SNX9: variants seen among roughly 807,000 people sequenced by gnomAD.
The protein encoded by SNX9 is sorting nexin 9.
In SNX9, 44 loss-of-function variants were observed where a neutral mutation model predicts 89.4. The ratio of observed to expected loss-of-function variants is 0.49; its 90% CI spans 0.39 to 0.63. SNX9 has a LOEUF of 0.63. SNX9 is among the 30% of genes least tolerant of loss of function. SNX9 has a pLI of 0.00. For missense variants in SNX9, 578 were observed against 736.1 expected, an observed-to-expected ratio of 0.79 and a Z score of 2.49; for synonymous variants, 236 against 247.8, an observed-to-expected ratio of 0.95 and a Z score of 0.45.
At chr6:157,940,267 A>G (rs1023195934) in intron 16 of SNX9, among the ~76,000 whole-genome samples, 1 of 152,234 alleles carries the variant, frequency 6.6e-6, no homozygotes, top group Non-Finnish European at 1.5e-5. Flanking sequence ...ATCTGTAACA[A>G]ATATGACCAA....
chr6:157,853,841 A>G (rs759418982), intron 1 of SNX9, among the ~76,000 whole-genome samples: 2 of 151,616 alleles, frequency 1.3e-5, no homozygotes, highest in Admixed American at 6.6e-5. Context: ...ACTGGGCCAT[A>G]TGTGCCGGTC....
chr6:157,919,208 C>A (rs1783533490), intron 9 of SNX9, among the ~76,000 whole-genome samples: 1 of 152,126 alleles, frequency 6.6e-6, no homozygotes, highest in Non-Finnish European at 1.5e-5. Context: ...GATAGTCGTA[C>A]CGATCTGGCT....
chr6:157,839,179 GT>G (rs550139661), intron 1 of SNX9, among the ~76,000 whole-genome samples: 83 of 152,302 alleles, frequency 5.4e-4, no homozygotes, highest in African/African-American at 1.9e-3. Flanking sequence ...AATTGTCCTT[GT>G]GTATAATTAC....
chr6:157,912,162 T>G (rs1783361875), intron 9 of SNX9, among the ~76,000 whole-genome samples: 1 of 152,236 alleles, frequency 6.6e-6, no homozygotes, highest in Non-Finnish European at 1.5e-5. Context: ...AAATACAGAT[T>G]TCTTTCCATG....
At chr6:157,869,456 C>G (rs1005660540) in intron 2 of SNX9, among the ~76,000 whole-genome samples, 2 of 152,216 alleles carry the variant, frequency 1.3e-5, no homozygotes, top group African/African-American at 4.8e-5. Flanking sequence ...CTGTATTTCT[C>G]TGTATTTCTG....
intron 3 of SNX9, 55 bp downstream of exon 3, chr6:157,873,231 T>C (rs1782451283): frequency 7.7e-6 from 11 of 1,420,022 alleles, no homozygotes; most frequent in Non-Finnish European, 1.0e-5. Flanking sequence ...GGCATCTTTT[T>C]ATGAATTATC....
intron 13 of SNX9, among the ~76,000 whole-genome samples, chr6:157,932,587 T>A (rs932049878): frequency 1.1e-4 from 17 of 152,126 alleles, no homozygotes; most frequent in Non-Finnish European, 2.2e-4. Flanking sequence ...CAGATTTGGC[T>A]GGGCACAGTG....
At chr6:157,828,555 A>C (rs1781424858) in intron 1 of SNX9, among the ~76,000 whole-genome samples, 1 of 152,022 alleles carries the variant, frequency 6.6e-6, no homozygotes, top group Non-Finnish European at 1.5e-5. Context: ...GTGCAGTGGC[A>C]CGAACACAGC....
At chr6:157,870,497 C>A (rs1310207761) in intron 2 of SNX9, among the ~76,000 whole-genome samples, 1 of 150,622 alleles carries the variant, frequency 6.6e-6, no homozygotes, top group Non-Finnish European at 1.5e-5. Flanking sequence ...GTCTCACCTG[C>A]TCTCACACAT....
At chr6:157,842,296 A>G (rs954883802) in intron 1 of SNX9, among the ~76,000 whole-genome samples, 1 of 152,226 alleles carries the variant, frequency 6.6e-6, no homozygotes, top group Non-Finnish European at 1.5e-5. Context: ...GATTTGCCAC[A>G]GGTAATGTGA....
intron 4 of SNX9, among the ~76,000 whole-genome samples, chr6:157,876,397 GC>G (rs1388842302): frequency 1.3e-5 from 2 of 152,170 alleles, no homozygotes; most frequent in African/African-American, 4.8e-5. Flanking sequence ...ACTGCAGTAA[GC>G]CGAGATCGTG....
chr6:157,893,608 TTGTGTGTG>T (rs3047741), intron 4 of SNX9, among the ~76,000 whole-genome samples: 7 of 148,754 alleles, frequency 4.7e-5, no homozygotes, highest in South Asian at 2.2e-4. Context: ...CTAGCACCAT[TTGTGTGTG>T]TGTGTGTGTG....
At chr6:157,835,871 G>A (rs900256404) in intron 1 of SNX9, among the ~76,000 whole-genome samples, 4 of 152,054 alleles carry the variant, frequency 2.6e-5, no homozygotes, top group African/African-American at 7.2e-5. Flanking sequence ...CTTTATAGCC[G>A]TGTGAAAACA....
chr6:157,906,263 T>C (rs16900501), intron 7 of SNX9, 51 bp downstream of exon 7: 16,042 of 1,413,130 alleles, frequency 0.011, 250 homozygotes, highest in African/African-American at 0.07. Context: ...CTCTTTCTTA[T>C]ACCGTACTTT....
intron 7 of SNX9, among the ~76,000 whole-genome samples, chr6:157,908,998 C>G (rs982890341): frequency 6.6e-6 from 1 of 152,168 alleles, no homozygotes; most frequent in Admixed American, 6.5e-5. Flanking sequence ...ACATAGCAGT[C>G]CACGGAAGAA....
chr6:157,887,801 C>T (rs73024666), intron 4 of SNX9, among the ~76,000 whole-genome samples: 4,830 of 152,278 alleles, frequency 0.032, 100 homozygotes, highest in Middle Eastern at 0.071. Flanking sequence ...AATACCACCG[C>T]TTATTTCACA....
chr6:157,897,371 C>T (rs13203492), intron 5 of SNX9, among the ~76,000 whole-genome samples: 25,969 of 152,090 alleles, frequency 0.17, 2,354 homozygotes, highest in African/African-American at 0.2. Flanking sequence ...ATGCATAGGG[C>T]GAGGCATGGG....
chr6:157,914,480 T>TTTTTTTC (rs1554296686), intron 9 of SNX9, among the ~76,000 whole-genome samples: 9 of 133,348 alleles, frequency 6.7e-5, no homozygotes, highest in African/African-American at 2.4e-4. Flanking sequence ...TTTTTTTTTT[T>TTTTTTTC]TTTTTTTTTT....
intron 4 of SNX9, among the ~76,000 whole-genome samples, chr6:157,886,386 G>A (rs1243406617): frequency 2.6e-5 from 4 of 152,164 alleles, no homozygotes; most frequent in Non-Finnish European, 4.4e-5. Context: ...AATTAGTAAA[G>A]TAACCTTTTA....
Sources: gnomAD v4.1 joint callset for allele counts (sites outside exome capture counted in the v4.1 genomes callset) on GRCh38, gnomAD v4.1.1 for gene constraint, MANE v1.5 for transcripts, NCBI Gene and HGNC (gene_info 2026-07-23, HGNC 2026-07-21) for gene names.